The following PPP1CB variants were observed in gnomAD, a reference collection of about 807,000 sequenced individuals.
The protein encoded by PPP1CB is serine/threonine-protein phosphatase PP1-beta catalytic subunit.
Under a neutral mutation model 43.7 loss-of-function variants are expected in PPP1CB, and 2 were observed. The observed-to-expected ratio is 0.05, with a 90% CI of 0.02 to 0.14. PPP1CB has a LOEUF of 0.14. Ranked by LOEUF, PPP1CB falls within the 10% of genes least tolerant of loss-of-function variation. PPP1CB has a pLI of 1.00. For missense variants in PPP1CB, 84 were observed against 398.0 expected, an observed-to-expected ratio of 0.21 and a Z score of 6.71; for synonymous variants, 136 against 135.6, an observed-to-expected ratio of 1.00 and a Z score of -0.02.
chr2:28,773,386 A>G (rs1313773651), intron 1 of PPP1CB, among the ~76,000 whole-genome samples: 1 of 151,986 alleles, frequency 6.6e-6, no homozygotes, highest in Non-Finnish European at 1.5e-5. Flanking sequence ...GCTGCTTCTC[A>G]CTCCTATCAG....
At chr2:28,794,419 G>C (rs57827136) in intron 7 of PPP1CB, among the ~76,000 whole-genome samples, 1 of 152,082 alleles carries the variant, frequency 6.6e-6, no homozygotes, top group African/African-American at 2.4e-5. Context: ...GGCTGGGCAC[G>C]GTGGCTCACT....
intron 4 of PPP1CB, among the ~76,000 whole-genome samples, chr2:28,783,609 T>C (rs1000644931): frequency 2.6e-5 from 4 of 151,862 alleles, no homozygotes; most frequent in African/African-American, 9.7e-5. Context: ...TACAAAAAAT[T>C]AGCTGGATGT....
chr2:28,796,015 C>T (rs1667489543), intron 7 of PPP1CB, among the ~76,000 whole-genome samples: 1 of 152,136 alleles, frequency 6.6e-6, no homozygotes, highest in African/African-American at 2.4e-5. Context: ...TATGGCTAGC[C>T]AGTTATCTTA....
intron 1 of PPP1CB, among the ~76,000 whole-genome samples, chr2:28,759,536 A>C (rs1421635009): frequency 6.6e-6 from 1 of 150,706 alleles, no homozygotes; most frequent in African/African-American, 2.4e-5. Context: ...AAAAAAAAAA[A>C]AAAAAAAAAA....
intron 1 of PPP1CB, among the ~76,000 whole-genome samples, chr2:28,760,465 T>TA (rs1666615041): frequency 6.6e-6 from 1 of 152,226 alleles, no homozygotes; most frequent in Admixed American, 6.5e-5. Flanking sequence ...TACAGTAACA[T>TA]ACTGTGCATC....
chr2:28,796,537 G>T (rs1392826928), intron 7 of PPP1CB, among the ~76,000 whole-genome samples: 1 of 151,784 alleles, frequency 6.6e-6, no homozygotes, highest in Non-Finnish European at 1.5e-5. Flanking sequence ...TTCTTTTTGT[G>T]GCTATTGTAA....
chr2:28,776,791 T>C, intron 1 of PPP1CB, 60 bp from the exon 2 acceptor site: 1 of 1,523,730 alleles, frequency 6.6e-7, no homozygotes, highest in South Asian at 1.2e-5. Flanking sequence ...CATGACTCTT[T>C]TTGAAAGATT....
At chr2:28,764,824 G>A (rs554845468) in intron 1 of PPP1CB, among the ~76,000 whole-genome samples, 1 of 152,058 alleles carries the variant, frequency 6.6e-6, no homozygotes, top group African/African-American at 2.4e-5. Flanking sequence ...AGTAGATTGA[G>A]GTAGGAGATT....
At chr2:28,758,178 T>G (rs1363189740) in intron 1 of PPP1CB, among the ~76,000 whole-genome samples, 2 of 151,734 alleles carry the variant, frequency 1.3e-5, no homozygotes. Context: ...CACAAGTAGC[T>G]GGGACCACAG....
At chr2:28,775,089 T>C (rs1667006302) in intron 1 of PPP1CB, among the ~76,000 whole-genome samples, 1 of 152,102 alleles carries the variant, frequency 6.6e-6, no homozygotes, top group Admixed American at 6.6e-5. Context: ...TCAGCAATTT[T>C]TAGCAAGAAA....
chr2:28,759,291 G>T (rs910683565), intron 1 of PPP1CB, among the ~76,000 whole-genome samples: 2 of 152,138 alleles, frequency 1.3e-5, no homozygotes, highest in African/African-American at 4.8e-5. Context: ...CAAGGCAGGT[G>T]GACCACTTGA....
chr2:28,764,473 AAG>A (rs1216210275), intron 1 of PPP1CB, among the ~76,000 whole-genome samples: 2 of 152,062 alleles, frequency 1.3e-5, no homozygotes, highest in African/African-American at 2.4e-5. Flanking sequence ...AAAAAAAAAA[AAG>A]AGAGACTCCA....
chr2:28,801,485 A>G lies in PPP1CB; in HGVS notation c.*2182A>G, dbSNP rs144330188. The G allele has an allele frequency of 5.3e-4, 81 of 151,916 alleles. No individual in the cohort carries two copies. Among genetic ancestry groups the G allele is most frequent in the African/African-American group, 1.9e-3 (77 of 41,416 alleles). 9.4% of individuals were successfully genotyped at this position (151,916 alleles called of 1,614,324 possible). On this transcript the variant is annotated 3_prime_UTR_variant, in exon 8 of 8. Coordinates refer to ENST00000395366, the MANE Select transcript of PPP1CB (RefSeq NM_002709.3). ...GAAAAAATAATCACTACTTAAGCTA[A>G]TTAATATTGGTCATTAAATTTAAAG... is the stretch of plus-strand genomic sequence containing the variant.
At chr2:28,758,511 A>G (rs776382759) in intron 1 of PPP1CB, among the ~76,000 whole-genome samples, 95 of 152,222 alleles carry the variant, frequency 6.2e-4, no homozygotes, top group Non-Finnish European at 1.2e-3. Context: ...GTGATTGGAT[A>G]CAGATTGATA....
chr2:28,773,069 A>G (rs1041967646), intron 1 of PPP1CB, among the ~76,000 whole-genome samples: 1 of 152,198 alleles, frequency 6.6e-6, no homozygotes, highest in African/African-American at 2.4e-5. Context: ...TTAGGGTACA[A>G]GGGAATCTTC....
rs1417721984 is a variant in PPP1CB at position 28,775,062 on chromosome 2, T to C, written c.53-1789T>C. ...GCCTTTTTTTTTTTAAAGCCTCTTA[T>C]TGACCTGACAAAGGAATCAGCAATT... On this transcript the variant is annotated intron_variant, in intron 1 of 7. Transcript: ENST00000395366. 2.6e-5 allele frequency among the ~76,000 whole-genome samples: 4 copies of C among 152,134 alleles called. No homozygotes were observed. The South Asian group carries it at 6.2e-4, about 24-fold the overall frequency.
intron 7 of PPP1CB, among the ~76,000 whole-genome samples, chr2:28,795,679 T>C (rs1295414356): frequency 6.6e-6 from 1 of 152,218 alleles, no homozygotes; most frequent in South Asian, 2.1e-4. Context: ...TTAAATGCCT[T>C]ATAGAGTCTG....
At chr2:28,766,680 A>G (rs879924633) in intron 1 of PPP1CB, among the ~76,000 whole-genome samples, 2 of 152,226 alleles carry the variant, frequency 1.3e-5, no homozygotes, top group Non-Finnish European at 2.9e-5. Context: ...GAGCCAAGGA[A>G]CACCACTCAG....
intron 6 of PPP1CB, among the ~76,000 whole-genome samples, chr2:28,789,822 C>G (rs1243449859): frequency 6.6e-6 from 1 of 152,030 alleles, no homozygotes; most frequent in Non-Finnish European, 1.5e-5. Context: ...TGCCCTTGAA[C>G]TCCTGAGCTC....
Sources: gnomAD v4.1 joint callset for allele counts (sites outside exome capture counted in the v4.1 genomes callset) on GRCh38, gnomAD v4.1.1 for gene constraint, MANE v1.5 for transcripts, NCBI Gene and HGNC (gene_info 2026-07-23, HGNC 2026-07-21) for gene names.